Variants in WWP2 observed in about 807,000 individuals in gnomAD.
WWP2 encodes the protein WW domain containing E3 ubiquitin protein ligase 2.
In WWP2, 57 loss-of-function variants were observed where a neutral mutation model predicts 121.0. The ratio of observed to expected loss-of-function variants is 0.47; its 90% CI spans 0.38 to 0.59. WWP2 has a LOEUF of 0.59. Ranked by LOEUF, WWP2 falls within the 20% of genes least tolerant of loss-of-function variation. The probability of loss-of-function intolerance (pLI) is 0.00; values close to 1 mark genes in which losing one functional copy is unlikely to be tolerated. For synonymous variants in WWP2, 449 were observed against 441.3 expected (o/e 1.02, Z -0.22); for missense variants, 962 against 1,158.9 (o/e 0.83, Z 2.47).
At chr16:69,921,801 C>T (rs1408157248) in intron 10 of WWP2, among the ~76,000 whole-genome samples, 2 of 152,088 alleles carry the variant, frequency 1.3e-5, no homozygotes, top group African/African-American at 2.4e-5. Context: ...TGACTGGGCG[C>T]GGTGGCTCAC....
Position 69,840,227 on chromosome 16 carries a change from C to T in WWP2, c.442C>T (p.Leu148=), listed in dbSNP as rs2056952400. 1 of 1,614,074 alleles carries T rather than the reference C, an allele frequency of 6.2e-7. No homozygotes were observed. The highest frequency in any genetic ancestry group is 1.1e-5 in the South Asian group (1 of 91,086). The change falls in exon 5 of 24, where the codon CTG becomes TTG. Residue 148 remains leucine, a synonymous_variant. Coordinates refer to ENST00000359154, the MANE Select transcript of WWP2 (RefSeq NM_001270454.2). ...TIFLDGPTVD[L]GNVPNGSALT... ...TTTCCTGGACGGGCCAACTGTTGAT[C>T]TGGGAAATGTGCCTAATGGCAGTGC...
chr16:69,780,715 T>C (rs182311416), intron 1 of WWP2, among the ~76,000 whole-genome samples: 7 of 152,310 alleles, frequency 4.6e-5, no homozygotes, highest in African/African-American at 1.4e-4. Flanking sequence ...CAAAACATCA[T>C]CTTTTTGGCC....
chr16:69,902,716 G>A (rs1167773240), intron 8 of WWP2, among the ~76,000 whole-genome samples: 1 of 152,176 alleles, frequency 6.6e-6, no homozygotes, highest in East Asian at 1.9e-4. Flanking sequence ...GGGATGCGCT[G>A]ATGAAAAATT....
intron 6 of WWP2, among the ~76,000 whole-genome samples, chr16:69,870,911 G>C (rs1347592458): frequency 6.6e-6 from 1 of 152,170 alleles, no homozygotes; most frequent in African/African-American, 2.4e-5. Flanking sequence ...GTTTTCTGCT[G>C]CTAAATTCCA....
chr16:69,782,760 G>A (rs1379459522), intron 1 of WWP2, among the ~76,000 whole-genome samples: 2 of 152,184 alleles, frequency 1.3e-5, no homozygotes, highest in African/African-American at 4.8e-5. Context: ...ATCTTGGAGC[G>A]TGACATTGTT....
intron 4 of WWP2, among the ~76,000 whole-genome samples, chr16:69,813,941 A>G (rs1290395925): frequency 2.6e-5 from 4 of 152,230 alleles, no homozygotes; most frequent in African/African-American, 9.7e-5. Context: ...CAGAAGAGAA[A>G]GGCAAACAAG....
Position 69,925,410 on chromosome 16 carries a change from G to A in WWP2, c.1180-20G>A, listed in dbSNP as rs1181588746. The A allele has an allele frequency of 5.0e-6, 8 of 1,612,794 alleles. No homozygotes were observed. The highest frequency in any genetic ancestry group is 6.8e-6 in the Non-Finnish European group (8 of 1,179,634). ...TGGCTTTTTGTAACCTCTGTGTTCT[G>A]CTGTGTTTCTTGTGTTTAGTCTTCG... On this transcript the variant is annotated intron_variant, in intron 10 of 23. Coordinates refer to ENST00000359154, the MANE Select transcript of WWP2 (RefSeq NM_001270454.2). This position sits in a 1 kb window ranked among gnomAD's most constrained non-coding sequence, Gnocchi z 4.0.
rs767387248 is a variant in WWP2 at position 69,917,796 on chromosome 16, G to T, written c.1092G>T (p.Glu364Asp). 10 of 1,614,124 alleles carry T rather than the reference G, an allele frequency of 6.2e-6. No individual in the cohort carries two copies. The highest frequency in any genetic ancestry group is 8.5e-6 in the Non-Finnish European group (10 of 1,179,912). The change falls in exon 10 of 24, where the codon GAG becomes GAT. Residue 364 changes from glutamate (E) to aspartate (D), a missense_variant. Coordinates refer to ENST00000359154, the MANE Select transcript of WWP2 (RefSeq NM_001270454.2). ...RTTTWQRPTA[E>D]YVRNYEQWQS... Reference sequence around the variant, plus strand: ...CCACCTGGCAGCGTCCGACCGCGGAGTACGTGCGCAACTATGAGCAGTGGC... The same window carrying T: ...CCACCTGGCAGCGTCCGACCGCGGATTACGTGCGCAACTATGAGCAGTGGC...
At chr16:69,916,994 T>A (rs2058488331) in intron 9 of WWP2, among the ~76,000 whole-genome samples, 1 of 152,180 alleles carries the variant, frequency 6.6e-6, no homozygotes, top group African/African-American at 2.4e-5. Flanking sequence ...CGAAACTCCA[T>A]CTCTACTAAA....
At chr16:69,916,404 G>A (rs942210967) in intron 9 of WWP2, among the ~76,000 whole-genome samples, 4 of 152,138 alleles carry the variant, frequency 2.6e-5, no homozygotes, top group Admixed American at 6.6e-5. Flanking sequence ...GTCTCCCTCT[G>A]TTGCTTAGGC....
intron 1 of WWP2, among the ~76,000 whole-genome samples, chr16:69,765,217 AAAAG>A (rs1307772445): frequency 2.6e-5 from 4 of 152,166 alleles, no homozygotes; most frequent in South Asian, 2.1e-4. Flanking sequence ...AAGAAAAAGA[AAAAG>A]AAAAAAAGTT....
At chr16:69,874,645 T>C (rs1239135665) in intron 7 of WWP2, among the ~76,000 whole-genome samples, 1 of 152,194 alleles carries the variant, frequency 6.6e-6, no homozygotes, top group East Asian at 1.9e-4. Flanking sequence ...AATAGACGAA[T>C]GGCATAGCCC....
At chr16:69,880,699 G>C (rs942020963) in intron 7 of WWP2, among the ~76,000 whole-genome samples, 2 of 152,170 alleles carry the variant, frequency 1.3e-5, no homozygotes, top group Non-Finnish European at 2.9e-5. Context: ...GGTTGCTGTC[G>C]TGAAGAGCCG....
At chr16:69,811,146 C>A (rs1394523297) in intron 4 of WWP2, among the ~76,000 whole-genome samples, 1 of 152,176 alleles carries the variant, frequency 6.6e-6, no homozygotes, top group African/African-American at 2.4e-5. Context: ...TAATTTCTTT[C>A]TACATTGTTA....
intron 1 of WWP2, among the ~76,000 whole-genome samples, chr16:69,777,586 C>G (rs1352900749): frequency 6.6e-6 from 1 of 151,828 alleles, no homozygotes; most frequent in African/African-American, 2.4e-5. Context: ...CAGGCATGAG[C>G]CACCGTGCTC....
At chr16:69,803,392 T>G (rs1463490725) in intron 4 of WWP2, among the ~76,000 whole-genome samples, 1 of 152,152 alleles carries the variant, frequency 6.6e-6, no homozygotes, top group East Asian at 1.9e-4. Flanking sequence ...CTTACACAAT[T>G]ACTGTATCGT....
rs377569189 is a variant in WWP2, at chr16:69,940,265, G to A, written c.*325G>A. ...TGTATGTGAGTGTGCAAGGGAAGGTGTTGCATCCCCAGGGGCTGCCGCAGA... is the reference window on the plus strand; with the variant it reads ...TGTATGTGAGTGTGCAAGGGAAGGTATTGCATCCCCAGGGGCTGCCGCAGA... On this transcript the variant is annotated 3_prime_UTR_variant, in exon 24 of 24. Coordinates refer to ENST00000359154, the MANE Select transcript of WWP2 (RefSeq NM_001270454.2). 4.6e-5 allele frequency: 14 copies of A among 307,206 alleles called. No homozygotes were observed. The Admixed American group carries it at 5.5e-4, about 12-fold the overall frequency. 19.0% of individuals were successfully genotyped at this position (307,206 alleles called of 1,614,324 possible).
At chr16:69,849,054 T>TTATAAAGCC (rs1274378874) in intron 6 of WWP2, among the ~76,000 whole-genome samples, 1 of 152,252 alleles carries the variant, frequency 6.6e-6, no homozygotes, top group Non-Finnish European at 1.5e-5. Flanking sequence ...TCTCGGAGAC[T>TTATAAAGCC]TATAAAGCCT....
intron 4 of WWP2, chr16:69,828,012 C>A: frequency 4.7e-6 from 2 of 425,402 alleles, no homozygotes; most frequent in South Asian, 1.7e-5. Context: ...TCTGGGGTAC[C>A]TTGTTACGTG....
Sources: allele counts gnomAD v4.1 joint callset (sites outside exome capture counted in the v4.1 genomes callset), GRCh38; gene constraint gnomAD v4.1.1; non-coding constraint Gnocchi (gnomAD v3.1); transcripts MANE v1.5; gene names NCBI Gene and HGNC (gene_info 2026-07-23, HGNC 2026-07-21).